The following TAFA2 variants were observed in gnomAD, a reference collection of about 807,000 sequenced individuals.
TAFA2 encodes TAFA chemokine like family member 2, also known as chemokine-like protein TAFA-2.
In TAFA2, 7 loss-of-function variants were observed where a neutral mutation model predicts 18.8. That is an observed-to-expected ratio of 0.37 (90% CI 0.21 to 0.70). The LOEUF (loss-of-function observed/expected upper bound fraction) is 0.70. Among genes scored for constraint, TAFA2 ranks in the 30% least tolerant of loss-of-function variants. The pLI, the probability that TAFA2 is intolerant of heterozygous loss-of-function variation, is 0.53. For synonymous variants in TAFA2, 60 were observed against 54.2 expected (o/e 1.11, Z -0.47); for missense variants, 122 against 158.1 (o/e 0.77, Z 1.23).
intron 1 of TAFA2, among the ~76,000 whole-genome samples, chr12:61,924,057 C>T (rs574955784): frequency 1.4e-4 from 21 of 150,576 alleles, no homozygotes; most frequent in South Asian, 6.3e-4. Flanking sequence ...AGAAAAGGAA[C>T]GAACAAAGCC....
At chr12:61,795,179 T>A (rs79761776) in intron 2 of TAFA2, among the ~76,000 whole-genome samples, 2 of 152,014 alleles carry the variant, frequency 1.3e-5, no homozygotes, top group Non-Finnish European at 2.9e-5. Context: ...TGGCAATTCC[T>A]AAAGGATCTA....
chr12:61,936,937 A>G (rs1051420713), intron 1 of TAFA2, among the ~76,000 whole-genome samples: 4 of 152,126 alleles, frequency 2.6e-5, no homozygotes, highest in South Asian at 4.1e-4. Context: ...CCTCCAAATG[A>G]CTACTAGATT....
intron 1 of TAFA2, among the ~76,000 whole-genome samples, chr12:62,187,492 T>C (rs757628571): frequency 2.0e-5 from 3 of 152,128 alleles, no homozygotes; most frequent in East Asian, 1.9e-4. Context: ...TTAAAGCATA[T>C]GTATGTATGT....
At chr12:62,074,537 C>T (rs988979071) in intron 1 of TAFA2, among the ~76,000 whole-genome samples, 1 of 152,090 alleles carries the variant, frequency 6.6e-6, no homozygotes, top group Non-Finnish European at 1.5e-5. Flanking sequence ...GCTAACAAAT[C>T]CATAGCTATA....
chr12:62,081,484 T>TTGTC (rs1192003289), intron 1 of TAFA2, among the ~76,000 whole-genome samples: 4 of 151,510 alleles, frequency 2.6e-5, no homozygotes, highest in African/African-American at 9.7e-5. Context: ...TTTATTTTGT[T>TTGTC]TGTTTGTTTG....
intron 1 of TAFA2, among the ~76,000 whole-genome samples, chr12:62,214,367 C>G (rs1185650754): frequency 2.0e-5 from 3 of 152,192 alleles, no homozygotes; most frequent in Non-Finnish European, 2.9e-5. Context: ...CTCGCTCTCT[C>G]TTTGCCTGCC....
intron 1 of TAFA2, chr12:62,136,116 G>A (rs112869869): frequency 2.6e-5 from 4 of 152,082 alleles, no homozygotes; most frequent in African/African-American, 9.7e-5. Context: ...TTTGGGGTGC[G>A]ATTCCTAGTT....
chr12:61,987,759 G>T lies in TAFA2; in HGVS notation c.-1-120333C>A, dbSNP rs111594706. On this transcript the variant is annotated intron_variant, in intron 1 of 4. Coordinates refer to ENST00000416284, the MANE Select transcript of TAFA2 (RefSeq NM_178539.5). ...TTAAATAAGGTAACATCTTACAAAAGGTCTCTTTTGTGGAAGGAAGTGAAC... is the reference window on the plus strand; with the variant it reads ...TTAAATAAGGTAACATCTTACAAAATGTCTCTTTTGTGGAAGGAAGTGAAC... Among the ~76,000 whole-genome samples the T allele has an allele frequency of 1.4e-3, 216 of 152,214 alleles. 1 individual carries two copies. Among genetic ancestry groups the T allele is most frequent in the African/African-American group, 4.9e-3 (204 of 41,534 alleles).
chr12:62,004,450 A>G (rs1264005832), intron 1 of TAFA2, among the ~76,000 whole-genome samples: 1 of 152,162 alleles, frequency 6.6e-6, no homozygotes, highest in East Asian at 1.9e-4. Flanking sequence ...GCTAGAAGAG[A>G]GATGAAGCAA....
chr12:61,892,566 G>A (rs1301061490), intron 1 of TAFA2, among the ~76,000 whole-genome samples: 1 of 152,218 alleles, frequency 6.6e-6, no homozygotes, highest in African/African-American at 2.4e-5. Context: ...GCTGGGCATG[G>A]TGGCTCATGC....
chr12:61,803,967 G>A (rs1026795051), intron 2 of TAFA2, among the ~76,000 whole-genome samples: 1 of 151,894 alleles, frequency 6.6e-6, no homozygotes, highest in Admixed American at 6.6e-5. Context: ...ATATGTTAAT[G>A]CCTTTAACAT....
intron 2 of TAFA2, among the ~76,000 whole-genome samples, chr12:61,795,483 A>G (rs1436374174): frequency 6.6e-6 from 1 of 152,084 alleles, no homozygotes; most frequent in Non-Finnish European, 1.5e-5. Flanking sequence ...CGCAAGGACA[A>G]AAAACCAAAC....
intron 1 of TAFA2, among the ~76,000 whole-genome samples, chr12:62,106,750 AGCTGC>A (rs2136858847): frequency 6.6e-6 from 1 of 152,340 alleles, no homozygotes; most frequent in Non-Finnish European, 1.5e-5. Flanking sequence ...CTGTGAAGAC[AGCTGC>A]CTTATTTGCC....
intron 1 of TAFA2, among the ~76,000 whole-genome samples, chr12:61,968,504 C>T (rs921272174): frequency 5.3e-5 from 8 of 151,740 alleles, no homozygotes; most frequent in Non-Finnish European, 1.2e-4. Flanking sequence ...TCAATCTCAG[C>T]ATCATTGCCT....
rs148957697 is a variant in TAFA2 at position 61,997,306 on chromosome 12, G to A, written c.-1-129880C>T. Among the ~76,000 whole-genome samples, 119 of 152,130 alleles carry A rather than the reference G, an allele frequency of 7.8e-4. 2 individuals are homozygous for A. In the East Asian group the frequency reaches 0.021, roughly 27 times the overall value. On this transcript the variant is annotated intron_variant, in intron 1 of 4. Coordinates refer to ENST00000416284, the MANE Select transcript of TAFA2 (RefSeq NM_178539.5). ...AGGGTTCTATAGAAAAGCGATATTT[G>A]AGCAAGGATCTGAATAAAGTGATTC...
intron 1 of TAFA2, among the ~76,000 whole-genome samples, chr12:61,907,756 G>T (rs1421055373): frequency 6.6e-6 from 1 of 152,150 alleles, no homozygotes; most frequent in Admixed American, 6.5e-5. Context: ...AGGAGCGGGG[G>T]ATGTACCCTG....
At chr12:61,952,462 TAGTA>T (rs1348028716) in intron 1 of TAFA2, among the ~76,000 whole-genome samples, 1 of 152,164 alleles carries the variant, frequency 6.6e-6, no homozygotes, top group African/African-American at 2.4e-5. Context: ...CAAGTTTTGA[TAGTA>T]AGTCAAGTTA....
intron 2 of TAFA2, among the ~76,000 whole-genome samples, chr12:61,797,702 GA>G (rs141948211): frequency 0.019 from 2,860 of 152,264 alleles, 86 homozygotes; most frequent in African/African-American, 0.065. Flanking sequence ...ACGTTTCTCT[GA>G]ATTGTTGATC....
intron 1 of TAFA2, among the ~76,000 whole-genome samples, chr12:61,884,969 A>ATTT (rs1282349561): frequency 6.6e-6 from 1 of 152,138 alleles, no homozygotes; most frequent in African/African-American, 2.4e-5. Context: ...TAACTGAAGT[A>ATTT]AGACAATACT....
Sources: gnomAD v4.1 joint callset for allele counts (sites outside exome capture counted in the v4.1 genomes callset) on GRCh38, gnomAD v4.1.1 for gene constraint, MANE v1.5 for transcripts, NCBI Gene and HGNC (gene_info 2026-07-23, HGNC 2026-07-21) for gene names.